Variants in DLG2 observed in about 807,000 individuals in gnomAD.
The protein encoded by DLG2 is discs large MAGUK scaffold protein 2, also known as disks large homolog 2.
A neutral mutation model predicts 132.5 loss-of-function variants in DLG2; 45 were observed. That is an observed-to-expected ratio of 0.34 (90% CI 0.27 to 0.44). DLG2 has a LOEUF of 0.44. Ranked by LOEUF, DLG2 falls within the 20% of genes least tolerant of loss-of-function variation. The pLI is 1.00. For synonymous variants in DLG2, 424 were observed against 419.6 expected, an observed-to-expected ratio of 1.01 and a Z score of -0.13; for missense variants, 1,045 against 1,196.9, an observed-to-expected ratio of 0.87 and a Z score of 1.87.
chr11:84,806,544 T>G (rs1211937154), intron 6 of DLG2, among the ~76,000 whole-genome samples: 1 of 152,136 alleles, frequency 6.6e-6, no homozygotes, highest in Non-Finnish European at 1.5e-5. Context: ...TTTCGACTGC[T>G]GAAAGAAAAG....
intron 7 of DLG2, among the ~76,000 whole-genome samples, chr11:84,256,123 G>A (rs921180792): frequency 6.9e-6 from 1 of 145,808 alleles, no homozygotes; most frequent in African/African-American, 2.7e-5. Context: ...ACTAGTAATA[G>A]ATACACTTTT....
intron 6 of DLG2, among the ~76,000 whole-genome samples, chr11:84,732,081 T>C (rs185572097): frequency 1.1e-3 from 162 of 152,220 alleles, no homozygotes; most frequent in African/African-American, 3.8e-3. Flanking sequence ...ATATCTATTC[T>C]GAGGTTTATC....
At chr11:85,582,986 T>C (rs1006908392) in intron 3 of DLG2, among the ~76,000 whole-genome samples, 6 of 146,418 alleles carry the variant, frequency 4.1e-5, no homozygotes, top group Non-Finnish European at 7.5e-5. Flanking sequence ...GCTTATTGTT[T>C]TGACAGCAAA....
chr11:85,293,061 T>A (rs2079012116), intron 3 of DLG2, among the ~76,000 whole-genome samples: 1 of 152,132 alleles, frequency 6.6e-6, no homozygotes, highest in Admixed American at 6.5e-5. Context: ...ACCTTTTTAA[T>A]AAAATAATAA....
intron 18 of DLG2, among the ~76,000 whole-genome samples, chr11:83,704,664 A>C (rs984867774): frequency 1.3e-5 from 2 of 150,826 alleles, no homozygotes; most frequent in Non-Finnish European, 3.0e-5. Flanking sequence ...TAAAAAAAAA[A>C]AAAAAAAAAA....
Position 83,537,585 on chromosome 11 carries a change from C to T in DLG2, c.2117+4097G>A, listed in dbSNP as rs148747857. ...ATCCCAGCATTTTGGGAGGCCGAGG[C>T]GGGCAGATCACCAGAGATCAAGAGT... is the stretch of plus-strand genomic sequence containing the variant. On this transcript the variant is annotated intron_variant, in intron 20 of 27. Transcript: ENST00000376104. 8.6e-3 allele frequency among the ~76,000 whole-genome samples: 1,313 copies of T among 151,902 alleles called. 18 individuals carry two copies. The highest frequency in any genetic ancestry group is 0.03 in the African/African-American group (1,254 of 41,378).
intron 6 of DLG2, among the ~76,000 whole-genome samples, chr11:84,764,128 T>C (rs2068051290): frequency 6.6e-6 from 1 of 152,100 alleles, no homozygotes; most frequent in Admixed American, 6.6e-5. Flanking sequence ...AGAGATACTG[T>C]GAGACAGTAA....
intron 6 of DLG2, among the ~76,000 whole-genome samples, chr11:85,058,051 G>A (rs927026558): frequency 1.3e-5 from 2 of 151,082 alleles, no homozygotes; most frequent in African/African-American, 2.4e-5. Flanking sequence ...ATACAATACT[G>A]GAGATTTTAG....
intron 6 of DLG2, among the ~76,000 whole-genome samples, chr11:84,952,025 C>G (rs914251138): frequency 6.6e-6 from 1 of 152,294 alleles, no homozygotes; most frequent in South Asian, 2.1e-4. Context: ...TCCTCACTCA[C>G]AGGTGGTAAC....
intron 6 of DLG2, among the ~76,000 whole-genome samples, chr11:84,975,867 C>A (rs2054827908): frequency 1.3e-5 from 2 of 152,192 alleles, no homozygotes; most frequent in African/African-American, 2.4e-5. Context: ...CGCCAGTCTT[C>A]ATGTTTAGCA....
At chr11:84,003,017 C>T (rs1022981622) in intron 11 of DLG2, among the ~76,000 whole-genome samples, 9 of 152,290 alleles carry the variant, frequency 5.9e-5, no homozygotes, top group African/African-American at 2.2e-4. Flanking sequence ...CACTTTGCTG[C>T]TTAGAAATTT....
At chr11:84,481,230 T>C (rs2099136691) in intron 7 of DLG2, among the ~76,000 whole-genome samples, 1 of 152,216 alleles carries the variant, frequency 6.6e-6, no homozygotes, top group African/African-American at 2.4e-5. Flanking sequence ...TTGTCTTTTT[T>C]TATTTGGTAT....
intron 18 of DLG2, among the ~76,000 whole-genome samples, chr11:83,772,438 A>AG (rs2094433301): frequency 6.8e-6 from 1 of 147,872 alleles, no homozygotes; most frequent in African/African-American, 2.5e-5. Flanking sequence ...AGAAAAGAAA[A>AG]AAAAAGAGAA....
chr11:84,511,045 G>A (rs544025480), intron 7 of DLG2, among the ~76,000 whole-genome samples: 1 of 152,210 alleles, frequency 6.6e-6, no homozygotes, highest in East Asian at 1.9e-4. Flanking sequence ...CTAGACTCCA[G>A]AAGGAGAAAA....
intron 11 of DLG2, among the ~76,000 whole-genome samples, chr11:83,988,965 G>GT (rs2093535013): frequency 6.6e-6 from 1 of 151,980 alleles, no homozygotes; most frequent in Admixed American, 6.6e-5. Context: ...GTAATGAATG[G>GT]TTTTTTGGTC....
intron 18 of DLG2, among the ~76,000 whole-genome samples, chr11:83,666,759 G>C (rs1357621278): frequency 6.6e-6 from 1 of 152,170 alleles, no homozygotes; most frequent in East Asian, 1.9e-4. Flanking sequence ...GAAAAGAACT[G>C]ATACCCAAGA....
intron 3 of DLG2, among the ~76,000 whole-genome samples, chr11:85,416,846 A>G (rs2089903702): frequency 1.3e-5 from 2 of 152,228 alleles, no homozygotes; most frequent in Admixed American, 1.3e-4. Flanking sequence ...TTTTCGGCTG[A>G]GATGATGGGA....
At chr11:85,311,197 A>G (rs2080291527) in intron 3 of DLG2, among the ~76,000 whole-genome samples, 1 of 152,234 alleles carries the variant, frequency 6.6e-6, no homozygotes, top group Non-Finnish European at 1.5e-5. Context: ...CCAACTCTTC[A>G]TCTATATCGA....
intron 6 of DLG2, among the ~76,000 whole-genome samples, chr11:84,603,107 T>C (rs2099579533): frequency 6.6e-6 from 1 of 151,988 alleles, no homozygotes; most frequent in Non-Finnish European, 1.5e-5. Context: ...GCATCTTCTT[T>C]TAGTCTTCTA....
Sources: gnomAD v4.1 joint callset for allele counts (sites outside exome capture counted in the v4.1 genomes callset) on GRCh38, gnomAD v4.1.1 for gene constraint, MANE v1.5 for transcripts, NCBI Gene and HGNC (gene_info 2026-07-23, HGNC 2026-07-21) for gene names.